FER: variants seen among roughly 807,000 people sequenced by gnomAD.
FER encodes FER tyrosine kinase.
FER carries 63 observed loss-of-function variants against 111.0 expected under a neutral mutation model. That is an observed-to-expected ratio of 0.57 (90% confidence interval 0.46 to 0.70). The LOEUF (loss-of-function observed/expected upper bound fraction) is 0.70. FER is among the 30% of genes least tolerant of loss of function. FER has a pLI of 0.00. For synonymous variants in FER, 327 were observed against 313.9 expected, an observed-to-expected ratio of 1.04 and a Z score of -0.44; for missense variants, 914 against 954.0, an observed-to-expected ratio of 0.96 and a Z score of 0.55.
At chr5:108,988,702 T>C (rs1762836370) in intron 13 of FER, among the ~76,000 whole-genome samples, 1 of 152,258 alleles carries the variant, frequency 6.6e-6, no homozygotes, top group South Asian at 2.1e-4. Context: ...CTGCTAATGA[T>C]CTATCAATTT....
At chr5:109,092,304 A>AAAAAAAAAAAAAAAAAAT (rs1561884071) in intron 16 of FER, among the ~76,000 whole-genome samples, 1 of 148,256 alleles carries the variant, frequency 6.7e-6, no homozygotes, top group Non-Finnish European at 1.5e-5. Flanking sequence ...AAAAAAAAAA[A>AAAAAAAAAAAAAAAAAAT]AAAAAAACAT....
Position 109,187,322 on chromosome 5 carries a change from A to G in FER, c.2327-111A>G, listed in dbSNP as rs533226269. 8.1e-6 allele frequency: 9 copies of G among 1,115,086 alleles called. No homozygotes were observed. In the East Asian group the frequency reaches 1.7e-4, roughly 21 times the overall value. The allele number at this position is 1,115,086 out of a possible 1,614,324, so 69.1% of individuals were successfully genotyped here. On this transcript the variant is annotated intron_variant, in intron 19 of 19. Transcript: ENST00000281092. ...CCCCAGAAATGGATGTTTTGTTTCC[A>G]TATAACTACAACATAAGGTACCAAA...
intron 13 of FER, among the ~76,000 whole-genome samples, chr5:109,024,540 C>T (rs1433036798): frequency 6.6e-6 from 1 of 151,960 alleles, no homozygotes; most frequent in Non-Finnish European, 1.5e-5. Context: ...ATAGAGACCC[C>T]TTCTTCATAA....
intron 13 of FER, among the ~76,000 whole-genome samples, chr5:109,031,591 T>C (rs1416134745): frequency 3.3e-5 from 5 of 152,178 alleles, no homozygotes; most frequent in African/African-American, 1.2e-4. Context: ...CTCCATGGCC[T>C]GGTTAGAAAG....
At chr5:108,982,836 C>CT (rs201372038) in intron 13 of FER, among the ~76,000 whole-genome samples, 1,641 of 151,860 alleles carry the variant, frequency 0.011, 22 homozygotes, top group African/African-American at 0.035. Context: ...ACATTTTTCT[C>CT]TTTTTTTTGT....
intron 17 of FER, among the ~76,000 whole-genome samples, chr5:109,119,647 T>G (rs1178761281): frequency 6.6e-6 from 1 of 152,122 alleles, no homozygotes; most frequent in Non-Finnish European, 1.5e-5. Flanking sequence ...GGAGTCTAAG[T>G]CTCTTTGTAG....
At chr5:109,052,437 TAA>T (rs1772971629) in intron 16 of FER, 2 of 1,416,424 alleles carry the variant, frequency 1.4e-6, no homozygotes, top group East Asian at 4.6e-5. Flanking sequence ...GGAGTTTGCC[TAA>T]AGTGCTCCAG....
At chr5:108,887,618 C>T (rs1747380588) in intron 9 of FER, among the ~76,000 whole-genome samples, 1 of 151,666 alleles carries the variant, frequency 6.6e-6, no homozygotes, top group African/African-American at 2.4e-5. Flanking sequence ...AAATTAAATA[C>T]ATTTAATGTA....
At chr5:109,032,309 T>TA (rs1269654265) in intron 13 of FER, among the ~76,000 whole-genome samples, 9 of 152,298 alleles carry the variant, frequency 5.9e-5, no homozygotes, top group African/African-American at 1.7e-4. Flanking sequence ...ATGTTTCTTT[T>TA]ACACAGGTAT....
chr5:109,009,608 G>A (rs1052113050), intron 13 of FER, among the ~76,000 whole-genome samples: 3 of 152,092 alleles, frequency 2.0e-5, no homozygotes, highest in Non-Finnish European at 4.4e-5. Context: ...CTCCCTTTGC[G>A]TTTTGCTTCT....
chr5:108,994,507 G>T (rs199709512), intron 13 of FER, among the ~76,000 whole-genome samples: 2 of 152,100 alleles, frequency 1.3e-5, no homozygotes, highest in African/African-American at 4.8e-5. Context: ...GTTTTGGTTA[G>T]TGTAGTCTTG....
chr5:109,035,069 C>T (rs994902318), intron 13 of FER, among the ~76,000 whole-genome samples: 6 of 132,210 alleles, frequency 4.5e-5, no homozygotes, highest in Admixed American at 8.5e-5. Context: ...GAGTCTCGCT[C>T]TGTCATCAGG....
chr5:108,770,699 C>A (rs991412559), intron 2 of FER, among the ~76,000 whole-genome samples: 1 of 152,102 alleles, frequency 6.6e-6, no homozygotes, highest in Non-Finnish European at 1.5e-5. Flanking sequence ...TCAAGCATCT[C>A]ACCCTTAGAT....
intron 13 of FER, among the ~76,000 whole-genome samples, chr5:109,030,906 T>G (rs1234802861): frequency 6.6e-6 from 1 of 152,162 alleles, no homozygotes; most frequent in East Asian, 1.9e-4. Flanking sequence ...ATTTCTCAGT[T>G]GGGAAGTGAG....
chr5:108,977,027 A>G (rs888167456), intron 13 of FER, among the ~76,000 whole-genome samples: 5 of 152,236 alleles, frequency 3.3e-5, no homozygotes, highest in Non-Finnish European at 7.3e-5. Context: ...TTTTACTGTG[A>G]TAGAGTTTAG....
chr5:108,822,729 T>C (rs1758999599), intron 3 of FER, among the ~76,000 whole-genome samples: 2 of 136,486 alleles, frequency 1.5e-5, no homozygotes, highest in Admixed American at 1.5e-4. Flanking sequence ...TTTTATTTTA[T>C]TTTATTTTAT....
At chr5:109,180,507 A>G (rs1199803018) in intron 17 of FER, among the ~76,000 whole-genome samples, 1 of 152,150 alleles carries the variant, frequency 6.6e-6, no homozygotes, top group African/African-American at 2.4e-5. Context: ...GTGTTTTTCT[A>G]TTTAAATGGA....
chr5:109,094,401 A>T (rs900950527), intron 16 of FER, among the ~76,000 whole-genome samples: 1 of 152,148 alleles, frequency 6.6e-6, no homozygotes, highest in South Asian at 2.1e-4. Context: ...GGCCAACATG[A>T]TACTCAAAGG....
chr5:108,862,417 T>C (rs1389344104), intron 5 of FER, among the ~76,000 whole-genome samples: 1 of 152,184 alleles, frequency 6.6e-6, no homozygotes, highest in African/African-American at 2.4e-5. Context: ...GCAGTTTAAA[T>C]ATCTGTGCAA....
Sources: allele counts gnomAD v4.1 joint callset (sites outside exome capture counted in the v4.1 genomes callset), GRCh38; gene constraint gnomAD v4.1.1; transcripts MANE v1.5; gene names NCBI Gene and HGNC (gene_info 2026-07-23, HGNC 2026-07-21).